The following KCNC2 variants were observed in gnomAD, a reference collection of about 807,000 sequenced individuals.
The protein encoded by KCNC2 is potassium voltage-gated channel subfamily C member 2, also known as voltage-gated potassium channel KCNC2.
A neutral mutation model predicts 44.5 loss-of-function variants in KCNC2; 21 were observed. That is an observed-to-expected ratio of 0.47 (90% CI 0.33 to 0.68). The LOEUF (loss-of-function observed/expected upper bound fraction) is 0.68. KCNC2 is among the 30% of genes least tolerant of loss of function. The pLI, the probability that KCNC2 is intolerant of heterozygous loss-of-function variation, is 0.01. For missense variants in KCNC2, 589 were observed against 826.2 expected, an observed-to-expected ratio of 0.71 and a Z score of 3.52; for synonymous variants, 391 against 339.1, an observed-to-expected ratio of 1.15 and a Z score of -1.68.
At chr12:75,066,431 C>A (rs1426830625) in intron 2 of KCNC2, among the ~76,000 whole-genome samples, 1 of 152,022 alleles carries the variant, frequency 6.6e-6, no homozygotes, top group Non-Finnish European at 1.5e-5. Context: ...TAATTTAAAC[C>A]TTTTGGCTAT....
At chr12:75,159,367 C>T (rs1157981278) in intron 2 of KCNC2, among the ~76,000 whole-genome samples, 2 of 144,822 alleles carry the variant, frequency 1.4e-5, no homozygotes, top group Non-Finnish European at 3.1e-5. Context: ...TTTTGCTGCT[C>T]CCCCAATAAA....
At chr12:75,201,471 T>G (rs1376380024) in intron 2 of KCNC2, among the ~76,000 whole-genome samples, 4 of 151,704 alleles carry the variant, frequency 2.6e-5, no homozygotes, top group Non-Finnish European at 5.9e-5. Flanking sequence ...GTCATCTCAA[T>G]GTTTGGGTTT....
At chr12:75,142,442 T>C (rs1275069344) in intron 2 of KCNC2, among the ~76,000 whole-genome samples, 1 of 152,164 alleles carries the variant, frequency 6.6e-6, no homozygotes. Context: ...CTTGAGTAAG[T>C]GGTGTCACTG....
At chr12:75,177,691 T>C (rs1174880703) in intron 2 of KCNC2, among the ~76,000 whole-genome samples, 1 of 152,068 alleles carries the variant, frequency 6.6e-6, no homozygotes, top group African/African-American at 2.4e-5. Flanking sequence ...AGTTCTCTTC[T>C]TGAGAACTTT....
intron 2 of KCNC2, among the ~76,000 whole-genome samples, chr12:75,083,682 A>G (rs1002361390): frequency 4.6e-5 from 7 of 151,964 alleles, no homozygotes. Flanking sequence ...GCAAGATAGT[A>G]GAATTATTAT....
chr12:75,064,772 G>A (rs1445267814), intron 2 of KCNC2, among the ~76,000 whole-genome samples: 1 of 151,924 alleles, frequency 6.6e-6, no homozygotes, highest in Non-Finnish European at 1.5e-5. Flanking sequence ...AGAGTATGTT[G>A]TTTTTAACTT....
Position 75,161,529 on chromosome 12 carries a change from C to A in KCNC2, c.687+45768G>T, listed in dbSNP as rs572935939. On this transcript the variant is annotated intron_variant, in intron 2 of 4. Coordinates refer to ENST00000549446, the MANE Select transcript of KCNC2 (RefSeq NM_139137.4). ...AAAGTTTTAACAACATGAAATTAAACCATCCCAGCTTCATCTTAATAAGAG... is the reference window on the plus strand; with the variant it reads ...AAAGTTTTAACAACATGAAATTAAAACATCCCAGCTTCATCTTAATAAGAG... Among the ~76,000 whole-genome samples, 34 of 151,796 alleles carry A rather than the reference C, an allele frequency of 2.2e-4. No homozygotes were observed. In the South Asian group the frequency reaches 7.1e-3, roughly 31 times the overall value.
intron 2 of KCNC2, among the ~76,000 whole-genome samples, chr12:75,130,427 C>G (rs1888752681): frequency 6.6e-6 from 1 of 152,048 alleles, no homozygotes; most frequent in African/African-American, 2.4e-5. Flanking sequence ...AGGGCCTAAA[C>G]TACATAACAC....
intron 2 of KCNC2, among the ~76,000 whole-genome samples, chr12:75,187,758 A>G (rs12302383): frequency 0.021 from 3,273 of 152,306 alleles, 123 homozygotes; most frequent in African/African-American, 0.075. Context: ...CCCGACGACT[A>G]TAAATGAAAA....
intron 2 of KCNC2, among the ~76,000 whole-genome samples, chr12:75,052,654 C>A (rs1881303913): frequency 6.6e-6 from 1 of 152,046 alleles, no homozygotes; most frequent in Non-Finnish European, 1.5e-5. Context: ...CAAAGTTGCC[C>A]CTAATATCTA....
At chr12:75,097,575 C>T (rs955221500) in intron 2 of KCNC2, among the ~76,000 whole-genome samples, 1 of 151,886 alleles carries the variant, frequency 6.6e-6, no homozygotes, top group African/African-American at 2.4e-5. Context: ...TAAATAAAGG[C>T]CCATTACAAA....
intron 2 of KCNC2, among the ~76,000 whole-genome samples, chr12:75,145,010 A>G (rs1889915981): frequency 6.6e-6 from 1 of 152,196 alleles, no homozygotes. Context: ...TCACAAATCC[A>G]TTGAGGATAT....
At chr12:75,172,852 A>C (rs1891926777) in intron 2 of KCNC2, among the ~76,000 whole-genome samples, 1 of 151,812 alleles carries the variant, frequency 6.6e-6, no homozygotes, top group African/African-American at 2.4e-5. Context: ...TTTCCTTCTA[A>C]GCCCCCAAAG....
intron 2 of KCNC2, among the ~76,000 whole-genome samples, chr12:75,162,098 T>C (rs1891158677): frequency 6.6e-6 from 1 of 151,738 alleles, no homozygotes; most frequent in African/African-American, 2.4e-5. Context: ...AGTCACATTC[T>C]CATTTTCTCC....
chr12:75,156,102 A>G (rs546961431), intron 2 of KCNC2, among the ~76,000 whole-genome samples: 1 of 151,832 alleles, frequency 6.6e-6, no homozygotes. Flanking sequence ...AAGAGTAGAG[A>G]TATCACAGCC....
At chr12:75,192,193 T>C (rs2030344752) in intron 2 of KCNC2, among the ~76,000 whole-genome samples, 1 of 152,222 alleles carries the variant, frequency 6.6e-6, no homozygotes, top group Admixed American at 6.5e-5. Context: ...AAATAGGGAT[T>C]CTTTCTTTTT....
At chr12:75,046,840 A>G (rs1052892525) in intron 4 of KCNC2, among the ~76,000 whole-genome samples, 1 of 151,966 alleles carries the variant, frequency 6.6e-6, no homozygotes, top group Non-Finnish European at 1.5e-5. Flanking sequence ...GAAAGGAACA[A>G]GAGTCTTTTG....
chr12:75,199,073 C>A (rs1418120665), intron 2 of KCNC2, among the ~76,000 whole-genome samples: 1 of 151,900 alleles, frequency 6.6e-6, no homozygotes, highest in East Asian at 1.9e-4. Flanking sequence ...ATTTATGCAA[C>A]CAAAAGTTGA....
At chr12:75,075,119 C>T (rs1198676687) in intron 2 of KCNC2, among the ~76,000 whole-genome samples, 1 of 151,930 alleles carries the variant, frequency 6.6e-6, no homozygotes, top group African/African-American at 2.4e-5. Flanking sequence ...ACCTGTAGAC[C>T]GTGAACTTTA....
Sources: allele counts gnomAD v4.1 joint callset (sites outside exome capture counted in the v4.1 genomes callset), GRCh38; gene constraint gnomAD v4.1.1; transcripts MANE v1.5; gene names NCBI Gene and HGNC (gene_info 2026-07-23, HGNC 2026-07-21).